Variants in PRKCH observed in about 807,000 individuals in gnomAD.
The protein encoded by PRKCH is protein kinase C eta.
A neutral mutation model predicts 82.5 loss-of-function variants in PRKCH; 28 were observed. That is an observed-to-expected ratio of 0.34 (90% CI 0.25 to 0.47). PRKCH has a LOEUF of 0.47. Ranked by LOEUF, PRKCH falls within the 20% of genes least tolerant of loss-of-function variation. The pLI is 1.00. For synonymous variants in PRKCH, 322 were observed against 327.4 expected, an observed-to-expected ratio of 0.98 and a Z score of 0.18; for missense variants, 705 against 881.8, an observed-to-expected ratio of 0.80 and a Z score of 2.54.
chr14:61,388,147 CAAA>C (rs569642184), intron 1 of PRKCH, among the ~76,000 whole-genome samples: 999 of 87,926 alleles, frequency 0.011, 10 homozygotes, highest in African/African-American at 0.035. Context: ...GACTCTGTCT[CAAA>C]AAAAAAAAAA....
chr14:61,370,649 T>C (rs1326214130), intron 1 of PRKCH, among the ~76,000 whole-genome samples: 1 of 152,120 alleles, frequency 6.6e-6, no homozygotes, highest in Non-Finnish European at 1.5e-5. Flanking sequence ...CAGTCTTAGC[T>C]CCAGAAAGTA....
chr14:61,204,783 A>G (rs557720617), intron 1 of PRKCH, among the ~76,000 whole-genome samples: 51 of 151,270 alleles, frequency 3.4e-4, no homozygotes, highest in Non-Finnish European at 6.6e-4. Flanking sequence ...AAAAAAGAAA[A>G]GAAATAAATA....
intron 1 of PRKCH, among the ~76,000 whole-genome samples, chr14:61,339,977 G>A (rs1017245134): frequency 2.0e-5 from 3 of 152,038 alleles, no homozygotes; most frequent in Non-Finnish European, 4.4e-5. Flanking sequence ...GAGCCACTGT[G>A]CCTGGCGAAA....
intron 1 of PRKCH, among the ~76,000 whole-genome samples, chr14:61,222,988 TTC>T (rs1158578362): frequency 6.6e-6 from 1 of 152,212 alleles, no homozygotes; most frequent in African/African-American, 2.4e-5. Context: ...TTTTCCCCTC[TTC>T]CTTTGACTTT....
intron 10 of PRKCH, among the ~76,000 whole-genome samples, chr14:61,508,068 A>G (rs1174239700): frequency 6.6e-6 from 1 of 152,160 alleles, no homozygotes; most frequent in East Asian, 1.9e-4. Flanking sequence ...TTAAGTATCT[A>G]CAGCTTTTTG....
At chr14:61,235,548 G>A (rs1177402314) in intron 1 of PRKCH, among the ~76,000 whole-genome samples, 1 of 152,170 alleles carries the variant, frequency 6.6e-6, no homozygotes, top group African/African-American at 2.4e-5. Context: ...AGTGATTGAA[G>A]GGCAGATTTT....
At chr14:61,536,594 A>G (rs1286202072) in intron 12 of PRKCH, among the ~76,000 whole-genome samples, 1 of 152,148 alleles carries the variant, frequency 6.6e-6, no homozygotes, top group Non-Finnish European at 1.5e-5. Flanking sequence ...TTTTAAATGA[A>G]AGGTATTATT....
chr14:61,464,691 T>C (rs1172230170), intron 9 of PRKCH, among the ~76,000 whole-genome samples: 2 of 152,230 alleles, frequency 1.3e-5, no homozygotes, highest in Non-Finnish European at 2.9e-5. Context: ...TCCAGCTTCA[T>C]CCATGTCCCT....
At chr14:61,292,263 T>C (rs139943592) in intron 1 of PRKCH, among the ~76,000 whole-genome samples, 2,659 of 149,384 alleles carry the variant, frequency 0.018, 93 homozygotes, top group African/African-American at 0.063. Context: ...GATGAGAGGA[T>C]CACTTGAGCC....
At chr14:61,339,772 C>CT (rs143979751) in intron 1 of PRKCH, among the ~76,000 whole-genome samples, 20,599 of 149,958 alleles carry the variant, frequency 0.14, 2,066 homozygotes, top group African/African-American at 0.28. Context: ...ACCTTAACTC[C>CT]TAGGCTCAAG....
At chr14:61,453,560 CT>C (rs1884617608) in intron 7 of PRKCH, among the ~76,000 whole-genome samples, 1 of 147,792 alleles carries the variant, frequency 6.8e-6, no homozygotes, top group Non-Finnish European at 1.5e-5. Context: ...TTCTTTCTTT[CT>C]CTCTTTCTCC....
intron 1 of PRKCH, among the ~76,000 whole-genome samples, chr14:61,364,108 G>A (rs2046267964): frequency 6.6e-6 from 1 of 150,524 alleles, no homozygotes; most frequent in African/African-American, 2.5e-5. Flanking sequence ...CCTGGCCTCA[G>A]GCGATCCTCC....
At chr14:61,540,553 A>G (rs2043170379) in intron 12 of PRKCH, among the ~76,000 whole-genome samples, 1 of 152,266 alleles carries the variant, frequency 6.6e-6, no homozygotes, top group Non-Finnish European at 1.5e-5. Context: ...AATTAGGAAT[A>G]ATAACCACAG....
intron 10 of PRKCH, chr14:61,525,322 C>T (rs1000581884): frequency 1.3e-5 from 2 of 152,184 alleles, no homozygotes; most frequent in Non-Finnish European, 2.9e-5. Flanking sequence ...AGCGATCTGT[C>T]TTATTAAATA....
At chr14:61,533,534 A>G (rs1028868558) in intron 12 of PRKCH, among the ~76,000 whole-genome samples, 3 of 152,254 alleles carry the variant, frequency 2.0e-5, no homozygotes, top group African/African-American at 4.8e-5. Flanking sequence ...GGGTTGGTTA[A>G]GAACCTGCCT....
chr14:61,434,896 A>C (rs1684783701), intron 2 of PRKCH, among the ~76,000 whole-genome samples: 1 of 152,204 alleles, frequency 6.6e-6, no homozygotes, highest in Admixed American at 6.5e-5. Context: ...TGGCAGTTAA[A>C]TTTCAGTGAG....
chr14:61,397,395 G>A (rs1055749165), intron 2 of PRKCH, among the ~76,000 whole-genome samples: 6 of 152,164 alleles, frequency 3.9e-5, no homozygotes, highest in South Asian at 2.1e-4. Flanking sequence ...ATAAGATTCC[G>A]GAGTTTGGCA....
At chr14:61,520,331 G>C (rs1439445703) in intron 10 of PRKCH, among the ~76,000 whole-genome samples, 1 of 151,250 alleles carries the variant, frequency 6.6e-6, no homozygotes, top group African/African-American at 2.4e-5. Flanking sequence ...TGTCACAATT[G>C]TAACAAATTA....
chr14:61,547,669 C>A, intron 12 of PRKCH, 74 bp from the exon 13 acceptor site: 1 of 1,538,614 alleles, frequency 6.5e-7, no homozygotes, highest in South Asian at 1.2e-5. Context: ...TCTGCCATGG[C>A]TGATGCCTGC....
Sources: allele counts gnomAD v4.1 joint callset (sites outside exome capture counted in the v4.1 genomes callset), GRCh38; gene constraint gnomAD v4.1.1; transcripts MANE v1.5; gene names NCBI Gene and HGNC (gene_info 2026-07-23, HGNC 2026-07-21).